Variants in PHF21B observed in about 807,000 individuals in gnomAD.
PHF21B encodes PHD finger protein 4.
A neutral mutation model predicts 62.2 loss-of-function variants in PHF21B; 22 were observed. The observed-to-expected ratio is 0.35, with a 90% CI of 0.25 to 0.51. PHF21B has a LOEUF of 0.51. PHF21B is among the 20% of genes least tolerant of loss of function. PHF21B has a pLI of 0.97. For synonymous variants in PHF21B, 341 were observed against 314.7 expected, an observed-to-expected ratio of 1.08 and a Z score of -0.88; for missense variants, 701 against 707.9, an observed-to-expected ratio of 0.99 and a Z score of 0.11.
chr22:44,955,118 AG>A (rs1367929696), intron 2 of PHF21B, among the ~76,000 whole-genome samples: 1 of 152,184 alleles, frequency 6.6e-6, no homozygotes, highest in East Asian at 1.9e-4. Flanking sequence ...GTTAAGAAGA[AG>A]TCAGCGGTCA....
chr22:44,897,388 G>A (rs73178240), intron 5 of PHF21B, among the ~76,000 whole-genome samples: 5,331 of 152,172 alleles, frequency 0.035, 143 homozygotes, highest in Non-Finnish European at 0.053. Context: ...ATCACAGAGC[G>A]AAGAGGTGCC....
chr22:44,953,592 G>C (rs1470087025), intron 2 of PHF21B, among the ~76,000 whole-genome samples: 2 of 152,068 alleles, frequency 1.3e-5, no homozygotes, highest in African/African-American at 4.8e-5. Flanking sequence ...TGTCTCAGTG[G>C]GGGACTGGAG....
chr22:44,979,984 G>A lies in PHF21B; in HGVS notation c.120+28561C>T, dbSNP rs191807114. On this transcript the variant is annotated intron_variant, in intron 2 of 12. Coordinates refer to ENST00000313237, the MANE Select transcript of PHF21B (RefSeq NM_138415.5). The stretch of plus-strand genomic sequence containing the variant: ...CTCGGGAGGCTGAGGCAGGAGAATC[G>A]CTTGAACCCGGGAGACAGAGGCTAC... 6.0e-3 allele frequency among the ~76,000 whole-genome samples: 801 copies of A among 133,952 alleles called. 6 individuals are homozygous for A. Among genetic ancestry groups the A allele is most frequent in the African/African-American group, 0.021 (764 of 35,578 alleles). The allele number at this position is 133,952 out of a possible 152,430, so 87.9% of individuals were successfully genotyped here.
chr22:44,955,393 T>A (rs2072275898), intron 2 of PHF21B, among the ~76,000 whole-genome samples: 1 of 152,232 alleles, frequency 6.6e-6, no homozygotes, highest in African/African-American at 2.4e-5. Context: ...CACGGCAGCC[T>A]GACCTGGCTA....
chr22:44,996,006 C>T (rs567558427), intron 2 of PHF21B, among the ~76,000 whole-genome samples: 135 of 152,234 alleles, frequency 8.9e-4, no homozygotes, highest in African/African-American at 3.1e-3. Flanking sequence ...CCCTTCTGGC[C>T]GGGGATATGT....
At chr22:45,007,713 AAGGGGC>A (rs1236372827) in intron 2 of PHF21B, among the ~76,000 whole-genome samples, 10 of 20,360 alleles carry the variant, frequency 4.9e-4, no homozygotes, top group Non-Finnish European at 1.5e-3. Context: ...GAGCGCGGGG[AAGGGGC>A]GGGTGTGCGA....
chr22:44,922,150 G>C (rs1251081141), intron 2 of PHF21B, among the ~76,000 whole-genome samples: 3 of 152,190 alleles, frequency 2.0e-5, no homozygotes, highest in African/African-American at 7.2e-5. Context: ...AAAAGGATAA[G>C]ACATCATGAA....
chr22:44,935,636 A>C (rs1056547303), intron 2 of PHF21B, among the ~76,000 whole-genome samples: 20 of 151,882 alleles, frequency 1.3e-4, no homozygotes, highest in Admixed American at 7.9e-4. Flanking sequence ...ACAAACAAAA[A>C]AAAAACAGAA....
chr22:44,943,129 C>T (rs779123276), intron 2 of PHF21B, among the ~76,000 whole-genome samples: 2 of 152,106 alleles, frequency 1.3e-5, no homozygotes, highest in Admixed American at 6.5e-5. Flanking sequence ...ATGCCCTCCA[C>T]GCTGCTCCCC....
intron 2 of PHF21B, among the ~76,000 whole-genome samples, chr22:44,935,065 A>G (rs1334876524): frequency 6.6e-6 from 1 of 152,198 alleles, no homozygotes; most frequent in Non-Finnish European, 1.5e-5. Context: ...CTCATGCAGT[A>G]TATTCACTTT....
At chr22:44,891,577 G>A (rs552451272) in intron 7 of PHF21B, among the ~76,000 whole-genome samples, 9 of 152,226 alleles carry the variant, frequency 5.9e-5, no homozygotes, top group Admixed American at 2.0e-4. Context: ...CAGGGAAGTC[G>A]GCAAAGGCTC....
At chr22:44,963,098 G>A (rs111991578) in intron 2 of PHF21B, among the ~76,000 whole-genome samples, 12 of 152,360 alleles carry the variant, frequency 7.9e-5, no homozygotes, top group South Asian at 2.1e-4. Flanking sequence ...ATCCCTCCTC[G>A]TAACAGAATC....
chr22:44,958,076 G>A (rs1190943780), intron 2 of PHF21B, among the ~76,000 whole-genome samples: 2 of 152,046 alleles, frequency 1.3e-5, no homozygotes, highest in African/African-American at 2.4e-5. Context: ...CTAACTTTTT[G>A]TATTTTTAAT....
intron 2 of PHF21B, among the ~76,000 whole-genome samples, chr22:44,942,712 G>A (rs1344616155): frequency 1.3e-5 from 2 of 152,168 alleles, no homozygotes; most frequent in African/African-American, 4.8e-5. Flanking sequence ...GAGGCCCAGC[G>A]CACGAGCTGT....
intron 5 of PHF21B, chr22:44,901,990 A>C: frequency 4.6e-6 from 1 of 218,492 alleles, no homozygotes; most frequent in Non-Finnish European, 9.6e-6. Flanking sequence ...CATGGGAGAA[A>C]ATTGTAAGCC....
At chr22:44,899,267 T>C (rs1455442047) in intron 5 of PHF21B, among the ~76,000 whole-genome samples, 1 of 151,032 alleles carries the variant, frequency 6.6e-6, no homozygotes, top group Non-Finnish European at 1.5e-5. Flanking sequence ...ATCTATGACA[T>C]GCCCCTCTGT....
intron 2 of PHF21B, among the ~76,000 whole-genome samples, chr22:45,007,018 C>G (rs1194409410): frequency 1.3e-5 from 2 of 152,118 alleles, no homozygotes; most frequent in Non-Finnish European, 2.9e-5. Flanking sequence ...CCGCCAACTC[C>G]CCGACTTCGC....
intron 6 of PHF21B, among the ~76,000 whole-genome samples, chr22:44,894,436 G>A (rs993485347): frequency 4.6e-5 from 7 of 152,146 alleles, no homozygotes; most frequent in Non-Finnish European, 8.8e-5. Context: ...AGGGACTCCG[G>A]CCAGTGCACA....
At chr22:45,004,420 TG>T (rs1341808880) in intron 2 of PHF21B, among the ~76,000 whole-genome samples, 1 of 152,218 alleles carries the variant, frequency 6.6e-6, no homozygotes, top group African/African-American at 2.4e-5. Context: ...GCCACACAGG[TG>T]GTAGCCAGGC....
Sources: gnomAD v4.1 joint callset for allele counts (sites outside exome capture counted in the v4.1 genomes callset) on GRCh38, gnomAD v4.1.1 for gene constraint, MANE v1.5 for transcripts, NCBI Gene and HGNC (gene_info 2026-07-23, HGNC 2026-07-21) for gene names.